The following RPGRIP1L variants were observed in gnomAD, a reference collection of about 807,000 sequenced individuals.
RPGRIP1L encodes the protein protein fantom.
A neutral mutation model predicts 160.4 loss-of-function variants in RPGRIP1L; 131 were observed. That is an observed-to-expected ratio of 0.82 (90% CI 0.71 to 0.94). RPGRIP1L has a LOEUF of 0.94. Among genes scored for constraint, RPGRIP1L ranks in the 40% least tolerant of loss-of-function variants. The pLI, the probability that RPGRIP1L is intolerant of heterozygous loss-of-function variation, is 0.00. For synonymous variants in RPGRIP1L, 510 were observed against 515.8 expected (o/e 0.99, Z 0.15); for missense variants, 1,522 against 1,535.8 (o/e 0.99, Z 0.15).
intron 8 of RPGRIP1L, 70 bp from the exon 9 acceptor site, chr16:53,671,653 TA>T (rs1410765739): frequency 1.0e-5 from 8 of 768,426 alleles, no homozygotes; most frequent in African/African-American, 5.3e-5. Flanking sequence ...AAAAAAACAT[TA>T]AAAAACTCTA....
intron 10 of RPGRIP1L, chr16:53,659,253 T>A (rs1362542723): frequency 1.1e-6 from 1 of 911,200 alleles, no homozygotes; most frequent in African/African-American, 1.8e-5. Flanking sequence ...AAAAAAATTG[T>A]CTTTTAGTTT....
intron 24 of RPGRIP1L, among the ~76,000 whole-genome samples, chr16:53,612,489 A>ATTTTTT (rs56935715): frequency 7.6e-6 from 1 of 131,574 alleles, no homozygotes. Flanking sequence ...TCCAAATGGG[A>ATTTTTT]TTTTTTTTTT....
intron 2 of RPGRIP1L, 73 bp downstream of exon 2, chr16:53,700,566 A>T: frequency 8.4e-7 from 1 of 1,191,040 alleles, no homozygotes; most frequent in South Asian, 1.3e-5. Flanking sequence ...TTGTATGAGT[A>T]TAAGAAATAC....
chr16:53,676,774 A>C (rs11075980), intron 6 of RPGRIP1L, among the ~76,000 whole-genome samples: 16,518 of 151,984 alleles, frequency 0.11, 1,629 homozygotes, highest in African/African-American at 0.26. Context: ...CAGGGACTAC[A>C]GGCGCGTGCC....
At chr16:53,616,328 G>A (rs1964376621) in intron 24 of RPGRIP1L, among the ~76,000 whole-genome samples, 1 of 152,060 alleles carries the variant, frequency 6.6e-6, no homozygotes, top group South Asian at 2.1e-4. Flanking sequence ...AAAGACTCAA[G>A]GAGATCCCCC....
Position 53,621,535 on chromosome 16 carries a change from T to C in RPGRIP1L, c.3432+684A>G, listed in dbSNP as rs1443864172. On this transcript the variant is annotated intron_variant, in intron 23 of 26. Coordinates refer to ENST00000647211, the MANE Select transcript of RPGRIP1L (RefSeq NM_015272.5). ...ACCTGGCAGAAATGATCAGTTATTG[T>C]TTCTTCATTCATTTAATGCTACATG... Among the ~76,000 whole-genome samples the C allele has an allele frequency of 2.0e-5, 3 of 152,182 alleles. No homozygotes were observed. The East Asian group carries it at 5.8e-4, about 29-fold the overall frequency.
chr16:53,635,135 G>A (rs1965757742), intron 22 of RPGRIP1L, among the ~76,000 whole-genome samples: 1 of 151,980 alleles, frequency 6.6e-6, no homozygotes, highest in African/African-American at 2.4e-5. Flanking sequence ...TAGAATTATT[G>A]GAATATTTAG....
chr16:53,697,052 G>A (rs1019270298), intron 2 of RPGRIP1L, among the ~76,000 whole-genome samples: 3 of 152,034 alleles, frequency 2.0e-5, no homozygotes, highest in African/African-American at 7.2e-5. Flanking sequence ...AACTTAGCTG[G>A]GCATGGTGGC....
At chr16:53,641,890 T>C (rs565319203) in intron 17 of RPGRIP1L, among the ~76,000 whole-genome samples, 1 of 152,282 alleles carries the variant, frequency 6.6e-6, no homozygotes, top group East Asian at 1.9e-4. Context: ...TTGGCTTGTC[T>C]CTAAAGAAAA....
chr16:53,698,554 C>G (rs1246996270), intron 2 of RPGRIP1L, among the ~76,000 whole-genome samples: 1 of 144,942 alleles, frequency 6.9e-6, no homozygotes, highest in South Asian at 2.2e-4. Flanking sequence ...AGGGGTCAGC[C>G]CCCCGCCCGG....
chr16:53,697,329 C>CTCTCCCCACGG (rs1555617051), intron 2 of RPGRIP1L, among the ~76,000 whole-genome samples: 118 of 151,522 alleles, frequency 7.8e-4, no homozygotes, highest in African/African-American at 2.6e-3. Context: ...CTCCCTCTCC[C>CTCTCCCCACGG]TCTCCCTCTC....
chr16:53,636,457 G>A lies in RPGRIP1L; in HGVS notation c.3276C>T (p.Ile1092=). Residue 1092 remains isoleucine (I), a synonymous_variant, in exon 22 of 27, where the codon ATC becomes ATT. Coordinates refer to ENST00000647211, the MANE Select transcript of RPGRIP1L (RefSeq NM_015272.5). ...TACTGACCTGTTTGATATTCTTGGA[G>A]ATAGGACCTGGAATAATACAGTCAT... ...DSDDCIIPGP[I]SKNIKQSLAL... 6.2e-7 allele frequency: 1 copy of A among 1,611,526 alleles called. No individual in the cohort carries two copies. The highest frequency in any genetic ancestry group is 8.5e-7 in the Non-Finnish European group (1 of 1,177,926).
At chr16:53,672,487 T>G (rs571380506) in intron 8 of RPGRIP1L, among the ~76,000 whole-genome samples, 1 of 152,318 alleles carries the variant, frequency 6.6e-6, no homozygotes, top group South Asian at 2.1e-4. Flanking sequence ...TTACTGATAA[T>G]GCAGAATACA....
At chr16:53,657,370 A>T (rs1323479406) in intron 13 of RPGRIP1L, 83 bp downstream of exon 13, 12 of 899,132 alleles carry the variant, frequency 1.3e-5, no homozygotes, top group Non-Finnish European at 2.1e-5. Context: ...AATAGATAAC[A>T]GGTGATAACA....
At position 53,637,879 on chromosome 16, in the gene RPGRIP1L, A is replaced by G. The variant is rs769163978; in HGVS notation, c.3061-25T>C. 1.1e-5 allele frequency: 17 copies of G among 1,605,316 alleles called. No homozygotes were observed. The Admixed American group carries it at 1.5e-4, about 14-fold the overall frequency. On this transcript the variant is annotated intron_variant, in intron 20 of 26. Transcript: ENST00000647211. ...CCTGAAGAAATCAAAGCACACTGGT[A>G]TATTTATAATTGCTTAGATCACATT...
chr16:53,663,327 C>G (rs961387036), intron 10 of RPGRIP1L, among the ~76,000 whole-genome samples: 1 of 151,762 alleles, frequency 6.6e-6, no homozygotes, highest in Admixed American at 6.6e-5. Flanking sequence ...ACAAAAAAAC[C>G]AAGATTTTAC....
At chr16:53,612,489 A>AT (rs56935715) in intron 24 of RPGRIP1L, among the ~76,000 whole-genome samples, 18,990 of 131,546 alleles carry the variant, frequency 0.14, 2,840 homozygotes, top group African/African-American at 0.38. Flanking sequence ...TCCAAATGGG[A>AT]TTTTTTTTTT....
chr16:53,600,456 G>A lies in RPGRIP1L; in HGVS notation c.*1620C>T, dbSNP rs1005656144. On this transcript the variant is annotated 3_prime_UTR_variant, in exon 27 of 27. Coordinates refer to ENST00000647211, the MANE Select transcript of RPGRIP1L (RefSeq NM_015272.5). Reference sequence around the variant, plus strand: ...TGAGAGCAAGATTCTTCTCGGAGATGGCAGGCCCCAGGACAGGGAGGCCCA... The same window carrying A: ...TGAGAGCAAGATTCTTCTCGGAGATAGCAGGCCCCAGGACAGGGAGGCCCA... 6 of 152,626 alleles carry A rather than the reference G, an allele frequency of 3.9e-5. No individual in the cohort carries two copies. The allele number at this position is 152,626 out of a possible 1,614,324, so 9.5% of individuals were successfully genotyped here.
rs146584570 is a variant in RPGRIP1L, at chr16:53,687,867, T to C, written c.628A>G (p.Asn210Asp). The change falls in exon 5 of 27, where the codon AAT becomes GAT. Residue 210 changes from asparagine to aspartate, a missense_variant. Asn to Asp is a conservative substitution (Grantham distance 23). Transcript: ENST00000647211. Reference sequence around the variant, plus strand: ...ACCACAAAAAAGAACACATACAAATTTCTTATTTCTCCTCTGGCTTCTTCA... The same window carrying C: ...ACCACAAAAAAGAACACATACAAATCTCTTATTTCTCCTCTGGCTTCTTCA... ...LLEEARGEIR[N>D]LENVIQSQRG... is the part of the protein sequence containing the mutation. The C allele has an allele frequency of 2.3e-4, 366 of 1,589,184 alleles. 1 individual carries two copies. Among genetic ancestry groups the C allele is most frequent in the Non-Finnish European group, 2.4e-4 (274 of 1,158,064 alleles).
Sources: gnomAD v4.1 joint callset for allele counts (sites outside exome capture counted in the v4.1 genomes callset) on GRCh38, gnomAD v4.1.1 for gene constraint, MANE v1.5 for transcripts, NCBI Gene and HGNC (gene_info 2026-07-23, HGNC 2026-07-21) for gene names.